Variants in AAGAB observed in about 807,000 individuals in gnomAD.
AAGAB encodes alpha- and gamma-adaptin-binding protein p34.
Under a neutral mutation model 44.1 loss-of-function variants are expected in AAGAB, and 38 were observed. That is an observed-to-expected ratio of 0.86 (90% CI 0.67 to 1.13). The LOEUF is 1.13. Among genes scored for constraint, AAGAB ranks in the 50% most tolerant of loss-of-function variants. AAGAB has a pLI of 0.00. For synonymous variants in AAGAB, 131 were observed against 131.8 expected, an observed-to-expected ratio of 0.99 and a Z score of 0.04; for missense variants, 450 against 373.8, an observed-to-expected ratio of 1.20 and a Z score of -1.68.
intron 7 of AAGAB, 26 bp downstream of exon 7, chr15:67,208,536 T>G: frequency 6.2e-7 from 1 of 1,600,752 alleles, no homozygotes; most frequent in Non-Finnish European, 8.6e-7. Context: ...CAAAGCTCTC[T>G]CTTGGCAGCC....
chr15:67,253,403 G>T (rs113728809), intron 1 of AAGAB, among the ~76,000 whole-genome samples: 16 of 152,106 alleles, frequency 1.1e-4, no homozygotes, highest in African/African-American at 3.6e-4. Context: ...ACTACAGCCT[G>T]GGCAGCAGAG....
chr15:67,216,301 G>C (rs1963943997), intron 5 of AAGAB, among the ~76,000 whole-genome samples: 1 of 151,718 alleles, frequency 6.6e-6, no homozygotes, highest in Admixed American at 6.6e-5. Flanking sequence ...AATTAGCTGG[G>C]CGTGGTGGCG....
At chr15:67,207,130 G>A (rs1472343719) in intron 7 of AAGAB, among the ~76,000 whole-genome samples, 2 of 152,120 alleles carry the variant, frequency 1.3e-5, no homozygotes, top group African/African-American at 2.4e-5. Flanking sequence ...GCGAGATTGC[G>A]GTGAGCCGAG....
intron 1 of AAGAB, among the ~76,000 whole-genome samples, chr15:67,253,469 G>A (rs1234470075): frequency 2.6e-5 from 4 of 151,746 alleles, no homozygotes; most frequent in African/African-American, 9.7e-5. Flanking sequence ...GAAAGTGAAG[G>A]GTAGCCAGGC....
chr15:67,253,355 G>T (rs1964940208), intron 1 of AAGAB, among the ~76,000 whole-genome samples: 1 of 151,924 alleles, frequency 6.6e-6, no homozygotes, highest in Admixed American at 6.6e-5. Context: ...TTGAGCCCAG[G>T]AGGCAGAGGT....
At chr15:67,243,620 G>A (rs938038069) in intron 1 of AAGAB, among the ~76,000 whole-genome samples, 7 of 152,182 alleles carry the variant, frequency 4.6e-5, no homozygotes, top group African/African-American at 1.7e-4. Flanking sequence ...ACAAGGAATT[G>A]TCTGGGCCAA....
chr15:67,203,349 T>C (rs564414671), intron 9 of AAGAB, among the ~76,000 whole-genome samples, 199 bp downstream of exon 9: 282 of 152,328 alleles, frequency 1.9e-3, no homozygotes, highest in African/African-American at 6.6e-3. Flanking sequence ...TCCACATCAC[T>C]CACCATCCAG....
At chr15:67,228,078 G>A (rs1297013331) in intron 5 of AAGAB, among the ~76,000 whole-genome samples, 1 of 152,124 alleles carries the variant, frequency 6.6e-6, no homozygotes, top group East Asian at 1.9e-4. Context: ...ATTTTTTCAG[G>A]AAACACATTT....
At chr15:67,253,182 TG>T (rs1329492802) in intron 1 of AAGAB, among the ~76,000 whole-genome samples, 1 of 147,378 alleles carries the variant, frequency 6.8e-6, no homozygotes, top group African/African-American at 2.5e-5. Flanking sequence ...CCCAGCACTT[TG>T]GGTGGCAAAG....
chr15:67,212,405 T>C (rs916658250), intron 5 of AAGAB, among the ~76,000 whole-genome samples: 3 of 152,204 alleles, frequency 2.0e-5, no homozygotes, highest in African/African-American at 4.8e-5. Context: ...TTAGAATGGA[T>C]AAAATTATGA....
At chr15:67,242,643 G>C (rs1230614157) in intron 1 of AAGAB, 1 of 152,162 alleles carries the variant, frequency 6.6e-6, no homozygotes, top group Non-Finnish European at 1.5e-5. Context: ...TTGTAGCATG[G>C]TAGTATTTAA....
intron 5 of AAGAB, 63 bp downstream of exon 5, chr15:67,231,750 CT>C: frequency 7.7e-7 from 1 of 1,299,806 alleles, no homozygotes; most frequent in Admixed American, 1.7e-5. Flanking sequence ...CCACATATAT[CT>C]CAATAATTTA....
At chr15:67,247,541 T>C (rs1964756145) in intron 1 of AAGAB, among the ~76,000 whole-genome samples, 1 of 152,234 alleles carries the variant, frequency 6.6e-6, no homozygotes, top group African/African-American at 2.4e-5. Flanking sequence ...TTCTGTATCA[T>C]AAGTGGTTTT....
intron 1 of AAGAB, among the ~76,000 whole-genome samples, chr15:67,251,215 C>G (rs959760585): frequency 7.0e-6 from 1 of 143,538 alleles, no homozygotes; most frequent in Non-Finnish European, 1.5e-5. Flanking sequence ...ATTTTAAGTG[C>G]GTGTGTGTGT....
At chr15:67,222,764 G>A (rs74570373) in intron 5 of AAGAB, among the ~76,000 whole-genome samples, 13 of 151,998 alleles carry the variant, frequency 8.6e-5, no homozygotes, top group African/African-American at 2.9e-4. Context: ...GCTTATGAAC[G>A]CGCTGCTCTT....
chr15:67,236,682 G>C lies in AAGAB; in HGVS notation c.212C>G (p.Ala71Gly), dbSNP rs556689819. Reference protein sequence around the residue: ...CVVPNKFLVTAEIAESVQAFV... With the variant: ...CVVPNKFLVTGEIAESVQAFV... ...TGCTTGGACAGATTCTGCAATCTCTGCAGTAACAAGAAATTTGTTTGGCAC... is the reference window on the plus strand; with the variant it reads ...TGCTTGGACAGATTCTGCAATCTCTCCAGTAACAAGAAATTTGTTTGGCAC... The change falls in exon 2 of 10, where the codon GCA (alanine) becomes GGA (glycine). Residue 71 changes from alanine to glycine, a missense_variant. Transcript: ENST00000261880. 1 of 1,614,074 alleles carries C rather than the reference G, an allele frequency of 6.2e-7. No individual in the cohort carries two copies. The highest frequency in any genetic ancestry group is 1.3e-5 in the African/African-American group (1 of 75,056).
chr15:67,211,457 G>T (rs1425816461), intron 5 of AAGAB, among the ~76,000 whole-genome samples: 1 of 152,164 alleles, frequency 6.6e-6, no homozygotes, highest in East Asian at 1.9e-4. Context: ...GTCCTACGAT[G>T]ACAGTTTCAG....
intron 5 of AAGAB, among the ~76,000 whole-genome samples, chr15:67,210,651 A>G (rs895766661): frequency 6.6e-6 from 1 of 152,362 alleles, no homozygotes; most frequent in African/African-American, 2.4e-5. Flanking sequence ...TGTTCAAAGT[A>G]TAAGGGCCAG....
At chr15:67,236,527 A>T in intron 2 of AAGAB, 23 bp from the exon 3 acceptor site, 4 of 1,610,134 alleles carry the variant, frequency 2.5e-6, no homozygotes, top group East Asian at 2.2e-5. Context: ...AAAAATATAA[A>T]CAAACAAAAA....
Sources: allele counts gnomAD v4.1 joint callset (sites outside exome capture counted in the v4.1 genomes callset), GRCh38; gene constraint gnomAD v4.1.1; transcripts MANE v1.5; gene names NCBI Gene and HGNC (gene_info 2026-07-23, HGNC 2026-07-21).